Variants in SYN2 observed in about 807,000 individuals in gnomAD.
SYN2 encodes synapsin-2.
Under a neutral mutation model 50.9 loss-of-function variants are expected in SYN2, and 19 were observed. The ratio of observed to expected loss-of-function variants is 0.37; its 90% CI spans 0.26 to 0.55. SYN2 has a LOEUF of 0.55. SYN2 is among the 20% of genes least tolerant of loss of function. The pLI, the probability that SYN2 is intolerant of heterozygous loss-of-function variation, is 0.81. For synonymous variants in SYN2, 255 were observed against 224.9 expected (o/e 1.13, Z -1.20); for missense variants, 587 against 576.4 (o/e 1.02, Z -0.19).
intron 1 of SYN2, among the ~76,000 whole-genome samples, chr3:12,053,227 C>G (rs140330551): frequency 0.016 from 2,391 of 152,064 alleles, 25 homozygotes; most frequent in Non-Finnish European, 0.024. Flanking sequence ...TCGAGACTAG[C>G]CTCACCAACA....
At chr3:12,120,826 C>A (rs1360655056) in intron 1 of SYN2, among the ~76,000 whole-genome samples, 1 of 152,126 alleles carries the variant, frequency 6.6e-6, no homozygotes, top group African/African-American at 2.4e-5. Flanking sequence ...TATTTTCTCC[C>A]AGAATGCTGT....
In SYN2 at chr3:12,190,769, G is replaced by A. The variant is rs1057015317; in HGVS notation, c.*144G>A. The A allele has an allele frequency of 4.2e-6, 6 of 1,423,418 alleles. No individual in the cohort carries two copies. In the Admixed American group the frequency reaches 1.2e-4, roughly 29 times the overall value. The allele number at this position is 1,423,418 out of a possible 1,614,324, so 88.2% of individuals were successfully genotyped here. On this transcript the variant is annotated 3_prime_UTR_variant, in exon 13 of 13. Transcript: ENST00000621198. ...CTGCTCTGTTGTACTAAGTGATGTT[G>A]TGCAGCCCAGAAAGGACCATTTGAC...
chr3:12,085,070 A>G (rs1468763001), intron 1 of SYN2, among the ~76,000 whole-genome samples: 3 of 150,272 alleles, frequency 2.0e-5, no homozygotes, highest in African/African-American at 7.4e-5. Flanking sequence ...TAAATGGATT[A>G]AAGTTTCTAA....
chr3:12,063,245 G>C (rs760099281), intron 1 of SYN2, among the ~76,000 whole-genome samples: 2 of 151,984 alleles, frequency 1.3e-5, no homozygotes, highest in African/African-American at 4.8e-5. Context: ...AAATCACTTA[G>C]GGGATTGGGT....
chr3:12,033,534 A>T (rs893958266), intron 1 of SYN2, among the ~76,000 whole-genome samples: 3 of 152,168 alleles, frequency 2.0e-5, no homozygotes, highest in African/African-American at 7.2e-5. Flanking sequence ...TATTATTTGC[A>T]TACCATAAAA....
chr3:12,071,321 A>C (rs1030146411), intron 1 of SYN2: 15 of 568,578 alleles, frequency 2.6e-5, no homozygotes, highest in African/African-American at 2.6e-4. Flanking sequence ...AAGCAGGAGT[A>C]CAACAAGTTG....
At chr3:12,052,775 G>GT (rs1553610865) in intron 1 of SYN2, among the ~76,000 whole-genome samples, 2 of 151,920 alleles carry the variant, frequency 1.3e-5, no homozygotes, top group Non-Finnish European at 2.9e-5. Context: ...GAGAAAAACA[G>GT]TTTTTTTTAG....
chr3:12,071,185 A>G (rs75748476), intron 1 of SYN2: 8,561 of 551,960 alleles, frequency 0.016, 314 homozygotes, highest in East Asian at 0.14. Flanking sequence ...GCAGAAGGCA[A>G]TCACTGCCCT....
chr3:12,075,838 G>A (rs149619033), intron 1 of SYN2, among the ~76,000 whole-genome samples: 1 of 152,146 alleles, frequency 6.6e-6, no homozygotes, highest in East Asian at 1.9e-4. Flanking sequence ...GGCCACATGT[G>A]GGATTTTTAA....
intron 1 of SYN2, among the ~76,000 whole-genome samples, chr3:12,058,765 CAT>C (rs1430045377): frequency 5.3e-5 from 8 of 152,170 alleles, no homozygotes; most frequent in Non-Finnish European, 7.3e-5. Context: ...GTTAGAGTGT[CAT>C]ATCAGTGCTG....
At chr3:12,076,257 A>G (rs1251664633) in intron 1 of SYN2, among the ~76,000 whole-genome samples, 1 of 152,084 alleles carries the variant, frequency 6.6e-6, no homozygotes, top group Non-Finnish European at 1.5e-5. Flanking sequence ...GTGCAGTCAT[A>G]TTACCACATT....
intron 4 of SYN2, among the ~76,000 whole-genome samples, chr3:12,148,123 A>G (rs1396556786): frequency 6.6e-6 from 1 of 152,096 alleles, no homozygotes; most frequent in African/African-American, 2.4e-5. Context: ...CAAAAAAAAA[A>G]AAGAAATGTG....
intron 1 of SYN2, among the ~76,000 whole-genome samples, chr3:12,124,928 CAAAT>C (rs1307056337): frequency 1.3e-5 from 2 of 151,982 alleles, no homozygotes; most frequent in Non-Finnish European, 2.9e-5. Context: ...GATCAATTAG[CAAAT>C]AAACAAGTAT....
At chr3:12,118,947 A>G (rs1225744643) in intron 1 of SYN2, among the ~76,000 whole-genome samples, 1 of 152,192 alleles carries the variant, frequency 6.6e-6, no homozygotes, top group East Asian at 1.9e-4. Context: ...TTAATGAACT[A>G]TTTTACATTC....
At chr3:12,051,807 G>T (rs1694870668) in intron 1 of SYN2, among the ~76,000 whole-genome samples, 1 of 152,182 alleles carries the variant, frequency 6.6e-6, no homozygotes, top group Admixed American at 6.5e-5. Context: ...TCTGCTTCAA[G>T]GCCTTGTGTA....
At chr3:12,088,770 T>G (rs160215) in intron 1 of SYN2, among the ~76,000 whole-genome samples, 141,803 of 152,272 alleles carry the variant, frequency 0.93, 66,104 homozygotes, top group East Asian at 1. Flanking sequence ...CGCTGTGTTA[T>G]GTGAAAGAAG....
Position 12,004,920 on chromosome 3 carries a change from C to A in SYN2, c.369C>A (p.His123Gln), listed in dbSNP as rs774743651. Reference protein sequence around the residue: ...AKVLLVVDEPHADWAKCFRGK... With the variant: ...AKVLLVVDEPQADWAKCFRGK... The stretch of plus-strand genomic sequence containing the variant: ...TGCTGCTGGTGGTCGACGAGCCGCA[C>A]GCCGACTGGTAGGTGCCGGGCGCCG... The change falls in exon 1 of 13, where the codon CAC becomes CAA. Residue 123 changes from histidine (H) to glutamine (Q), a missense_variant. Coordinates refer to ENST00000621198, the MANE Select transcript of SYN2 (RefSeq NM_133625.6). 1.3e-4 allele frequency: 74 copies of A among 568,996 alleles called. No homozygotes were observed. The highest frequency in any genetic ancestry group is 9.4e-6 in the Non-Finnish European group (3 of 319,364). The allele number at this position is 568,996 out of a possible 1,614,324, so 35.2% of individuals were successfully genotyped here.
At position 12,152,289 on chromosome 3, in the gene SYN2, A is replaced by G. The variant is rs116559421; in HGVS notation, c.774+963A>G. On this transcript the variant is annotated intron_variant, in intron 5 of 12. Coordinates refer to ENST00000621198, the MANE Select transcript of SYN2 (RefSeq NM_133625.6). ...CTGTCATCTTTGCCAGAGCTTCCCCAGGGAGAAGCTCTGAAACTCTAAGCT... is the reference window on the plus strand; with the variant it reads ...CTGTCATCTTTGCCAGAGCTTCCCCGGGGAGAAGCTCTGAAACTCTAAGCT... 3.2e-3 allele frequency among the ~76,000 whole-genome samples: 484 copies of G among 152,314 alleles called. 4 individuals are homozygous for G. The highest frequency in any genetic ancestry group is 0.011 in the African/African-American group (469 of 41,562).
At chr3:12,171,997 C>T (rs1366220895) in intron 10 of SYN2, among the ~76,000 whole-genome samples, 1 of 152,100 alleles carries the variant, frequency 6.6e-6, no homozygotes, top group African/African-American at 2.4e-5. Context: ...GAATAAGCTC[C>T]CTAAATATAG....
Sources: gnomAD v4.1 joint callset for allele counts (sites outside exome capture counted in the v4.1 genomes callset) on GRCh38, gnomAD v4.1.1 for gene constraint, MANE v1.5 for transcripts, NCBI Gene and HGNC (gene_info 2026-07-23, HGNC 2026-07-21) for gene names.